TKTL1: variants seen among roughly 807,000 people sequenced by gnomAD.
TKTL1 encodes transketolase-like protein 1.
A neutral mutation model predicts 39.3 loss-of-function variants in TKTL1; 1 was observed. The observed-to-expected ratio is 0.03, with a 90% confidence interval of 0.01 to 0.12. The LOEUF (loss-of-function observed/expected upper bound fraction) is 0.12, where lower values mean the gene tolerates loss of function less well. Among genes scored for constraint, TKTL1 ranks in the 10% least tolerant of loss-of-function variants. The pLI, the probability that TKTL1 is intolerant of heterozygous loss-of-function variation, is 1.00. For synonymous variants in TKTL1, 262 were observed against 193.8 expected (o/e 1.35, Z -2.92); for missense variants, 575 against 509.6 (o/e 1.13, Z -1.24).
intron 1 of TKTL1, 183 bp from the exon 2 acceptor site, chrX:154,305,121 G>A (rs1557166939): frequency 8.6e-7 from 1 of 1,158,249 alleles, no homozygotes; most frequent in Non-Finnish European, 1.2e-6. Context: ...CAGGGGGAGG[G>A]GTGGTGAGCT....
At chrX:154,320,722 C>T in intron 7 of TKTL1, 35 bp from the exon 8 acceptor site, 1 of 1,202,917 alleles carries the variant, frequency 8.3e-7, no homozygotes, top group Non-Finnish European at 1.1e-6. Flanking sequence ...GGGCAATGCC[C>T]AGGGATGTTC....
intron 7 of TKTL1, among the ~76,000 whole-genome samples, chrX:154,316,763 T>C (rs2067403485): frequency 9.3e-6 from 1 of 107,109 alleles, no homozygotes; most frequent in South Asian, 4.2e-4. Context: ...TTTGGTTTTT[T>C]TTTGGGGGTT....
At chrX:154,314,284 A>G (rs1569550968) in intron 6 of TKTL1, among the ~76,000 whole-genome samples, 1 of 112,067 alleles carries the variant, frequency 8.9e-6, no homozygotes, top group East Asian at 2.8e-4. Flanking sequence ...AAGCTAGCCT[A>G]AAGAAAACTG....
chrX:154,314,627 C>T (rs900042949), intron 6 of TKTL1, among the ~76,000 whole-genome samples: 8 of 110,932 alleles, frequency 7.2e-5, no homozygotes, highest in African/African-American at 2.3e-4. Flanking sequence ...CGGATTCAAG[C>T]GATTCTCCTG....
At chrX:154,321,146 C>T (rs1471201284) in intron 8 of TKTL1, among the ~76,000 whole-genome samples, 2 of 110,005 alleles carry the variant, frequency 1.8e-5, no homozygotes, top group South Asian at 4.0e-4. Context: ...GTTGCTTATC[C>T]CGAGTGCCCC....
At chrX:154,316,852 C>T (rs2067404841) in intron 7 of TKTL1, among the ~76,000 whole-genome samples, 1 of 108,879 alleles carries the variant, frequency 9.2e-6, no homozygotes, top group African/African-American at 3.4e-5. Flanking sequence ...TCACTGCAAC[C>T]TCTGCCTCCC....
At chrX:154,302,270 TC>T (rs1557166122) in intron 1 of TKTL1, among the ~76,000 whole-genome samples, 2 of 111,216 alleles carry the variant, frequency 1.8e-5, no homozygotes, top group Admixed American at 1.9e-4. Flanking sequence ...TAAGAAATTT[TC>T]CCTGTAGAGA....
At chrX:154,319,822 T>A (rs1486472176) in intron 7 of TKTL1, among the ~76,000 whole-genome samples, 3 of 110,543 alleles carry the variant, frequency 2.7e-5, no homozygotes, top group Non-Finnish European at 5.7e-5. Context: ...GAGTTTGGGA[T>A]CTTGAGTGTA....
chrX:154,303,522 C>T (rs782516160), intron 1 of TKTL1, among the ~76,000 whole-genome samples: 3 of 104,250 alleles, frequency 2.9e-5, no homozygotes, highest in South Asian at 4.5e-4. Context: ...TGAGCCCCCA[C>T]GCCTGGCCTC....
chrX:154,327,900 C>T lies in TKTL1; in HGVS notation c.1560C>T (p.Val520=), dbSNP rs782152411. The T allele has an allele frequency of 1.8e-5, 22 of 1,211,877 alleles. No individual in the cohort carries two copies. Among genetic ancestry groups the T allele is most frequent in the Non-Finnish European group, 2.0e-5 (18 of 895,325 alleles). The change falls in exon 12 of 13, where the codon GTC becomes GTT. Residue 520 remains valine (V), a synonymous_variant. Coordinates refer to ENST00000369915, the MANE Select transcript of TKTL1 (RefSeq NM_012253.4). ...TIKPLDVATI[V]SSAKATEGRI... The stretch of plus-strand genomic sequence containing the variant: ...AACCTCTGGATGTCGCCACCATCGT[C>T]TCCAGTGCAAAAGCCACAGAGGGCC...
chrX:154,324,901 TG>T (rs1347948999), intron 9 of TKTL1, among the ~76,000 whole-genome samples: 3 of 112,538 alleles, frequency 2.7e-5, no homozygotes, highest in African/African-American at 9.7e-5. Flanking sequence ...GTCATAAAAA[TG>T]TATTTACATT....
chrX:154,323,425 C>T, intron 9 of TKTL1, 88 bp downstream of exon 9: 1 of 1,003,181 alleles, frequency 1.0e-6, no homozygotes, highest in Middle Eastern at 2.6e-4. Context: ...TTTTTCTCAA[C>T]ATAAAAGTGA....
At chrX:154,308,012 A>C (rs2067328503) in intron 2 of TKTL1, among the ~76,000 whole-genome samples, 1 of 111,760 alleles carries the variant, frequency 8.9e-6, no homozygotes, top group East Asian at 2.8e-4. Flanking sequence ...AGAATCGTAA[A>C]TACCATCCAT....
intron 6 of TKTL1, among the ~76,000 whole-genome samples, chrX:154,314,751 C>G (rs782556845): frequency 9.9e-5 from 11 of 111,328 alleles, no homozygotes; most frequent in African/African-American, 3.6e-4. Context: ...TCTCGAACTC[C>G]TGACCTCAGG....
intron 1 of TKTL1, among the ~76,000 whole-genome samples, chrX:154,297,262 T>A (rs2067237699): frequency 9.0e-6 from 1 of 111,604 alleles, no homozygotes; most frequent in Admixed American, 9.5e-5. Context: ...GTTTTTTTTT[T>A]CTTTTTTTGT....
intron 1 of TKTL1, 33 bp downstream of exon 1, chrX:154,296,026 A>G: frequency 1.7e-6 from 2 of 1,203,540 alleles, no homozygotes; most frequent in East Asian, 5.9e-5. Flanking sequence ...TGGGTCATGC[A>G]GGGCCACGGG....
rs1203803138 is a variant in TKTL1, at chrX:154,314,243, C to T, written c.865-930C>T. ...ATACGGAGGAAGATGAAAATGTCAT[C>T]CCGATTTACTTATGAAGCGAAAATG... On this transcript the variant is annotated intron_variant, in intron 6 of 12. Transcript: ENST00000369915. 3.6e-5 allele frequency among the ~76,000 whole-genome samples: 4 copies of T among 111,415 alleles called. No homozygotes were observed. The Admixed American group carries it at 3.8e-4, about 11-fold the overall frequency.
At chrX:154,297,913 A>T (rs185032094) in intron 1 of TKTL1, among the ~76,000 whole-genome samples, 412 of 111,060 alleles carry the variant, frequency 3.7e-3, no homozygotes, top group Middle Eastern at 0.023. Flanking sequence ...AGAAAAAAAA[A>T]TTTTTTTTTG....
chrX:154,312,008 C>T (rs2067361818), intron 5 of TKTL1, among the ~76,000 whole-genome samples: 1 of 110,933 alleles, frequency 9.0e-6, no homozygotes, highest in African/African-American at 3.3e-5. Context: ...TTCCAGCTGG[C>T]CTCCCTCCAC....
Sources: allele counts gnomAD v4.1 joint callset (sites outside exome capture counted in the v4.1 genomes callset), GRCh38; gene constraint gnomAD v4.1.1; transcripts MANE v1.5; gene names NCBI Gene and HGNC (gene_info 2026-07-23, HGNC 2026-07-21).